GDA: variants seen among roughly 807,000 people sequenced by gnomAD.
The protein encoded by GDA is cytoplasmic PSD-95 interactor.
A neutral mutation model predicts 59.6 loss-of-function variants in GDA; 18 were observed. The ratio of observed to expected loss-of-function variants is 0.30; its 90% CI spans 0.21 to 0.45. GDA has a LOEUF of 0.45. GDA is among the 20% of genes least tolerant of loss of function. GDA has a pLI of 1.00. For synonymous variants in GDA, 201 were observed against 201.1 expected (o/e 1.00, Z 0.00); for missense variants, 427 against 552.3 (o/e 0.77, Z 2.27).
At chr9:72,140,275 A>G (rs1053990228) in intron 1 of GDA, among the ~76,000 whole-genome samples, 2 of 152,052 alleles carry the variant, frequency 1.3e-5, no homozygotes, top group African/African-American at 4.8e-5. Flanking sequence ...TCTTCACCTG[A>G]ATTTGAGAGT....
chr9:72,139,060 TA>T (rs1297206895), intron 1 of GDA, among the ~76,000 whole-genome samples: 1 of 152,188 alleles, frequency 6.6e-6, no homozygotes, highest in Non-Finnish European at 1.5e-5. Context: ...TAAGAATATC[TA>T]AAAATATGGA....
rs564307343 is a variant in GDA, at chr9:72,150,629, C to T, written c.123+947C>T. Among the ~76,000 whole-genome samples, 15 of 152,184 alleles carry T rather than the reference C, an allele frequency of 9.9e-5. No homozygotes were observed. The South Asian group carries it at 3.1e-3, about 32-fold the overall frequency. On this transcript the variant is annotated intron_variant, in intron 1 of 13. Coordinates refer to ENST00000358399, the MANE Select transcript of GDA (RefSeq NM_004293.5). ...GATTTTTTGAGCTGTTTTCCAACTA[C>T]TGGTTTGGTTAGCAAAAGTACACAT...
At chr9:72,217,551 T>C (rs190724544) in intron 5 of GDA, among the ~76,000 whole-genome samples, 3 of 152,352 alleles carry the variant, frequency 2.0e-5, no homozygotes, top group African/African-American at 7.2e-5. Flanking sequence ...AATGTCAATA[T>C]TATTTTTGTG....
chr9:72,158,068 C>CTCTGA (rs1828136748), intron 1 of GDA, among the ~76,000 whole-genome samples: 1 of 152,176 alleles, frequency 6.6e-6, no homozygotes, highest in East Asian at 1.9e-4. Flanking sequence ...TAAGGCCCAG[C>CTCTGA]TCTGATCTTC....
Position 72,249,298 on chromosome 9 carries a change from C to G in GDA, c.*956C>G. On this transcript the variant is annotated 3_prime_UTR_variant, in exon 14 of 14. Transcript: ENST00000358399. Reference sequence around the variant, plus strand: ...GTTCCATTGCCATGGCCTATTCCACCCAAACAATATGTTGTAGTTTCTGGA... The same window carrying G: ...GTTCCATTGCCATGGCCTATTCCACGCAAACAATATGTTGTAGTTTCTGGA... 1 of 985,008 alleles carries G rather than the reference C, an allele frequency of 1.0e-6. No homozygotes were observed. Among genetic ancestry groups the G allele is most frequent in the African/African-American group, 1.7e-5 (1 of 57,312 alleles). 61.0% of individuals were successfully genotyped at this position (985,008 alleles called of 1,614,324 possible). A position where few individuals can be genotyped will look rare whatever the true frequency, so the allele number is the denominator to read the frequency against.
intron 3 of GDA, among the ~76,000 whole-genome samples, chr9:72,204,767 A>T (rs994203935): frequency 6.6e-6 from 1 of 152,182 alleles, no homozygotes; most frequent in Non-Finnish European, 1.5e-5. Flanking sequence ...AGTACTCCAT[A>T]TAAATTATTT....
rs1407772598 is a variant in GDA, at chr9:72,195,502, A to T, written c.126A>T (p.Ile42=). 1.0e-5 allele frequency: 14 copies of T among 1,393,404 alleles called. No individual in the cohort carries two copies. The highest frequency in any genetic ancestry group is 1.4e-5 in the Non-Finnish European group (14 of 991,982). The allele number at this position is 1,393,404 out of a possible 1,614,324, so 86.3% of individuals were successfully genotyped here. A position where few individuals can be genotyped will look rare whatever the true frequency, so the allele number is the denominator to read the frequency against. ...HLLGVSDSGK[I]VFLEEASQQE... ...TCTTTTCTTTCTTTCTTTTAAAGAT[A>T]GTGTTTTTAGAAGAAGCATCTCAAC... Residue 42 remains isoleucine (I), a splice_region_variant and synonymous_variant, in exon 2 of 14, where the codon ATA becomes ATT. Coordinates refer to ENST00000358399, the MANE Select transcript of GDA (RefSeq NM_004293.5).
intron 1 of GDA, among the ~76,000 whole-genome samples, chr9:72,115,341 G>T (rs1825400368): frequency 6.6e-6 from 1 of 152,102 alleles, no homozygotes; most frequent in Non-Finnish European, 1.5e-5. Context: ...TGGTGCACAG[G>T]TTACATTATG....
downstream of GDA, chr9:72,257,691 GCGGGTGGATCA>G (rs1172215768): frequency 6.5e-6 from 1 of 152,862 alleles, no homozygotes; most frequent in Non-Finnish European, 1.5e-5. Flanking sequence ...GGAGGCTGAG[GCGGGTGGATCA>G]CTTGAGCTCA....
chr9:72,159,393 C>CA (rs1454223601), intron 1 of GDA, among the ~76,000 whole-genome samples: 2 of 149,904 alleles, frequency 1.3e-5, no homozygotes, highest in Admixed American at 1.3e-4. Flanking sequence ...GACTCCGTCT[C>CA]AAAAAAAGAA....
chr9:72,122,630 C>T (rs924443377), intron 1 of GDA, among the ~76,000 whole-genome samples: 2 of 100,976 alleles, frequency 2.0e-5, no homozygotes, highest in African/African-American at 6.9e-5. Context: ...AAAATGTATA[C>T]ATTTACACAC....
At chr9:72,192,769 A>T (rs957111118) in intron 1 of GDA, among the ~76,000 whole-genome samples, 19 of 151,506 alleles carry the variant, frequency 1.3e-4, no homozygotes, top group African/African-American at 4.6e-4. Flanking sequence ...TATCTCAGCT[A>T]CTCAGGAGGC....
intron 2 of GDA, among the ~76,000 whole-genome samples, chr9:72,196,898 T>G (rs1833263544): frequency 6.6e-6 from 1 of 152,208 alleles, no homozygotes; most frequent in Non-Finnish European, 1.5e-5. Context: ...TGGCATCATC[T>G]ATGTCCCTGC....
In GDA at chr9:72,248,406, G is replaced by A; in HGVS notation, c.*64G>A. ...TGGTTCTGCATCTCCCTTGTGCCCA[G>A]GTGGAGTTAGAAAGTCAAAAAATAG... On this transcript the variant is annotated 3_prime_UTR_variant, in exon 14 of 14. Transcript: ENST00000358399. 1 of 1,607,274 alleles carries A rather than the reference G, an allele frequency of 6.2e-7. No individual in the cohort carries two copies. Among genetic ancestry groups the A allele is most frequent in the Non-Finnish European group, 8.5e-7 (1 of 1,177,466 alleles).
intron 6 of GDA, 48 bp from the exon 7 acceptor site, chr9:72,223,072 T>G: frequency 1.1e-6 from 1 of 935,142 alleles, no homozygotes; most frequent in Non-Finnish European, 1.7e-6. Flanking sequence ...AGTTAATTTT[T>G]GTATATGATG....
intron 5 of GDA, among the ~76,000 whole-genome samples, chr9:72,217,686 A>C (rs1443056675): frequency 6.6e-6 from 1 of 152,152 alleles, no homozygotes; most frequent in Non-Finnish European, 1.5e-5. Context: ...CTTCTCCTGT[A>C]GATTGGATTT....
At chr9:72,151,037 A>T (rs573364073) in intron 1 of GDA, among the ~76,000 whole-genome samples, 1 of 152,294 alleles carries the variant, frequency 6.6e-6, no homozygotes, top group South Asian at 2.1e-4. Context: ...TTTCTTTTTT[A>T]AAAATTAATT....
chr9:72,192,312 C>T (rs1024967024), intron 1 of GDA, among the ~76,000 whole-genome samples: 1 of 134,112 alleles, frequency 7.5e-6, no homozygotes, highest in African/African-American at 2.8e-5. Flanking sequence ...CGGCTCACTG[C>T]AACTTCTGCC....
chr9:72,226,139 G>C (rs138274055), intron 8 of GDA, among the ~76,000 whole-genome samples: 1 of 152,178 alleles, frequency 6.6e-6, no homozygotes, highest in Non-Finnish European at 1.5e-5. Context: ...GTATCTATTA[G>C]AATGTAAACC....
Sources: allele counts gnomAD v4.1 joint callset (sites outside exome capture counted in the v4.1 genomes callset), GRCh38; gene constraint gnomAD v4.1.1; transcripts MANE v1.5; gene names NCBI Gene and HGNC (gene_info 2026-07-23, HGNC 2026-07-21).